Variants in IL12RB1 observed in about 807,000 individuals in gnomAD.
The protein encoded by IL12RB1 is interleukin-12 receptor subunit beta-1.
A neutral mutation model predicts 94.4 loss-of-function variants in IL12RB1; 64 were observed. The ratio of observed to expected loss-of-function variants is 0.68; its 90% CI spans 0.55 to 0.83. The LOEUF (loss-of-function observed/expected upper bound fraction) is 0.83. IL12RB1 is among the 40% of genes least tolerant of loss of function. The pLI, the probability that IL12RB1 is intolerant of heterozygous loss-of-function variation, is 0.00. For missense variants in IL12RB1, 814 were observed against 855.6 expected (o/e 0.95, Z 0.61); for synonymous variants, 362 against 355.5 (o/e 1.02, Z -0.21).
chr19:18,069,506 C>A, intron 10 of IL12RB1, 40 bp downstream of exon 10: 1 of 1,552,166 alleles, frequency 6.4e-7, no homozygotes. Flanking sequence ...AAAGGGAGGG[C>A]ACAGAGGAGG....
intron 1 of IL12RB1, among the ~76,000 whole-genome samples, chr19:18,097,620 T>G (rs2037058881): frequency 6.6e-6 from 1 of 151,946 alleles, no homozygotes; most frequent in South Asian, 2.1e-4. Flanking sequence ...TGCGCTCTGC[T>G]GGAGGGGCGG....
rs994278271 is a variant in IL12RB1, at chr19:18,060,024, A to G, written c.1853T>C (p.Val618Ala). ...QEEASLQEAL[V>A]VEMSWDKGER... is the part of the protein sequence containing the mutation. ...GCCTTTGTCCCAGGACATCTCTACC[A>G]CCAGGGCCTCCTGCAGGGATGCCTC... The change falls in exon 16 of 17, where the codon GTG becomes GCG. Residue 618 changes from valine to alanine, a missense_variant. Val to Ala is a moderately conservative substitution (Grantham distance 64). Transcript: ENST00000593993. The G allele has an allele frequency of 1.9e-6, 3 of 1,603,910 alleles. No individual in the cohort carries two copies. The African/African-American group carries it at 4.0e-5, about 21-fold the overall frequency.
intron 1 of IL12RB1, among the ~76,000 whole-genome samples, chr19:18,085,807 C>T (rs937528844): frequency 6.6e-6 from 1 of 151,956 alleles, no homozygotes; most frequent in African/African-American, 2.4e-5. Flanking sequence ...TGGGGTTTCA[C>T]CATGTTAGCC....
At chr19:18,075,199 C>T (rs1019041493) in intron 7 of IL12RB1, among the ~76,000 whole-genome samples, 1 of 151,672 alleles carries the variant, frequency 6.6e-6, no homozygotes, top group South Asian at 2.1e-4. Context: ...CACTCACCAC[C>T]TTGTTTCTAA....
chr19:18,084,289 T>C (rs1040762972), intron 1 of IL12RB1, among the ~76,000 whole-genome samples: 1 of 142,840 alleles, frequency 7.0e-6, no homozygotes, highest in Non-Finnish European at 1.5e-5. Flanking sequence ...CATCTATCCA[T>C]CCATCCATCC....
intron 1 of IL12RB1, among the ~76,000 whole-genome samples, chr19:18,093,013 A>G (rs545917720): frequency 3.9e-5 from 6 of 152,086 alleles, no homozygotes; most frequent in African/African-American, 1.4e-4. Context: ...TGAAGAATAT[A>G]TAGATGTTAG....
intron 1 of IL12RB1, among the ~76,000 whole-genome samples, chr19:18,095,892 C>T (rs1027795488): frequency 1.3e-5 from 2 of 152,040 alleles, no homozygotes; most frequent in African/African-American, 4.8e-5. Flanking sequence ...AAGACAACTG[C>T]GGCTGCAGAG....
rs760118336 is a variant in IL12RB1 at position 18,069,665 on chromosome 19, T to C, written c.1070A>G (p.Tyr357Cys). 61 of 1,612,794 alleles carry C rather than the reference T, an allele frequency of 3.8e-5. 3 individuals are homozygous for C. The South Asian group carries it at 6.5e-4, about 17-fold the overall frequency. The change falls in exon 10 of 17, where the codon TAT becomes TGT. Residue 357 changes from tyrosine to cysteine, a missense_variant. Physicochemically the swap from Tyr to Cys is radical, Grantham distance 194. Transcript: ENST00000593993. ...ISVGTNGTTM[Y>C]WPARAQSMTY... ...CATGCTCTGAGCCCGGGCTGGCCAA[T>C]ACATGGTGGTCCCGTTGGTTCCGAC...
intron 1 of IL12RB1, among the ~76,000 whole-genome samples, chr19:18,094,410 T>G (rs989260075): frequency 4.6e-5 from 7 of 151,570 alleles, no homozygotes; most frequent in African/African-American, 1.7e-4. Flanking sequence ...ATTACAGACA[T>G]GAGCCAGCAC....
At chr19:18,077,033 C>T (rs1324787232) in intron 5 of IL12RB1, among the ~76,000 whole-genome samples, 2 of 151,904 alleles carry the variant, frequency 1.3e-5, no homozygotes, top group African/African-American at 2.4e-5. Context: ...TTCTGAAAAT[C>T]GAAGGTTATT....
chr19:18,061,185 G>T lies in IL12RB1; in HGVS notation c.1728C>A (p.His576Gln). Reference protein sequence around the residue: ...GYLGLNRAARHLCPPLPTPCA... With the variant: ...GYLGLNRAARQLCPPLPTPCA... The stretch of plus-strand genomic sequence containing the variant: ...AGGGTGTGGGCAGCGGCGGGCACAG[G>T]TGCCGTGCGGCCCTGGGGAGGAAAG... Residue 576 changes from histidine (H) to glutamine (Q), a missense_variant, in exon 15 of 17, where the codon CAC becomes CAA. Physicochemically the swap from His to Gln is conservative, Grantham distance 24. Coordinates refer to ENST00000593993, the MANE Select transcript of IL12RB1 (RefSeq NM_005535.3). 2 of 1,583,878 alleles carry T rather than the reference G, an allele frequency of 1.3e-6. No homozygotes were observed. Among genetic ancestry groups the T allele is most frequent in the Non-Finnish European group, 1.7e-6 (2 of 1,161,668 alleles).
chr19:18,059,123 C>A lies in IL12RB1; in HGVS notation c.*485G>T, dbSNP rs1046214756. 96 of 166,880 alleles carry A rather than the reference C, an allele frequency of 5.8e-4. 1 individual carries two copies. The highest frequency in any genetic ancestry group is 3.0e-3 in the South Asian group (26 of 8,800). The allele number at this position is 166,880 out of a possible 1,614,324, so 10.3% of individuals were successfully genotyped here. ...TGTGTAAGGTCATTATCACCACCCCCATTTTATAGGGGGGTGAGGGTGGGG... is the reference window on the plus strand; with the variant it reads ...TGTGTAAGGTCATTATCACCACCCCAATTTTATAGGGGGGTGAGGGTGGGG... On this transcript the variant is annotated 3_prime_UTR_variant, in exon 17 of 17. Transcript: ENST00000593993.
chr19:18,074,396 CA>C lies in IL12RB1; in HGVS notation c.701-798del, dbSNP rs756748913. On this transcript the variant is annotated intron_variant, in intron 7 of 16. Coordinates refer to ENST00000593993, the MANE Select transcript of IL12RB1 (RefSeq NM_005535.3). ...GCTGTTTAGTACACCCTGCCACCTG[CA>C]GGTGACATTGTCCTTGAGACACCGT... 2.6e-5 allele frequency among the ~76,000 whole-genome samples: 4 copies of C among 152,288 alleles called. No homozygotes were observed. In the East Asian group the frequency reaches 7.7e-4, roughly 29 times the overall value.
rs770713233 is a variant in IL12RB1 at position 18,093,342 on chromosome 19, A to ATATATATATATATT, written c.-229-2574_-229-2573insAATATATATATATA. 7.1e-3 allele frequency among the ~76,000 whole-genome samples: 1,062 copies of ATATATATATATATT among 149,800 alleles called. 19 individuals carry two copies. Among genetic ancestry groups the ATATATATATATATT allele is most frequent in the African/African-American group, 0.023 (936 of 40,214 alleles). ...AACAAAAAAACACAAATATATATAT[A>ATATATATATATATT]TATATACTTGTGTGTGTGCGTGTGT... On this transcript the variant is annotated intron_variant, in intron 1 of 4. Transcript: ENST00000594176.
intron 7 of IL12RB1, among the ~76,000 whole-genome samples, chr19:18,074,559 C>G (rs2035305319): frequency 6.6e-6 from 1 of 152,078 alleles, no homozygotes; most frequent in South Asian, 2.1e-4. Flanking sequence ...ACCAGCCGGG[C>G]AAACATGGCG....
intron 13 of IL12RB1, among the ~76,000 whole-genome samples, chr19:18,062,630 GGCGTGGTGGTGT>G (rs2034225860): frequency 6.6e-6 from 1 of 151,942 alleles, no homozygotes; most frequent in African/African-American, 2.4e-5. Context: ...AAATTAGCTG[GGCGTGGTGGTGT>G]GCGCCGGTAA....
chr19:18,091,398 G>A (rs759543830), upstream of IL12RB1: 1 of 152,226 alleles, frequency 6.6e-6, no homozygotes, highest in Non-Finnish European at 1.5e-5. Flanking sequence ...ATCGAGTCAC[G>A]AGGGCCCCAG....
At chr19:18,098,007 G>C (rs766787767) in intron 1 of IL12RB1, among the ~76,000 whole-genome samples, 3 of 152,138 alleles carry the variant, frequency 2.0e-5, no homozygotes, top group African/African-American at 7.2e-5. Flanking sequence ...TTTTCTCATG[G>C]TGGGAAGGGG....
intron 2 of IL12RB1, chr19:18,083,066 GAAC>G (rs1361079349): frequency 2.7e-6 from 1 of 371,258 alleles, no homozygotes; most frequent in Non-Finnish European, 5.2e-6. Flanking sequence ...CTGGGCAGCA[GAAC>G]AAGACTCCGT....
Sources: gnomAD v4.1 joint callset for allele counts (sites outside exome capture counted in the v4.1 genomes callset) on GRCh38, gnomAD v4.1.1 for gene constraint, MANE v1.5 for transcripts, NCBI Gene and HGNC (gene_info 2026-07-23, HGNC 2026-07-21) for gene names.